The following NPIPB2 variants were observed in gnomAD, a reference collection of about 807,000 sequenced individuals.
NPIPB2 encodes the protein nuclear pore complex-interacting protein family member B2.
NPIPB2 carries 27 observed loss-of-function variants against 30.8 expected under a neutral mutation model. The ratio of observed to expected loss-of-function variants is 0.88; its 90% CI spans 0.65 to 1.21. The LOEUF (loss-of-function observed/expected upper bound fraction) is 1.21, where lower values mean the gene tolerates loss of function less well. Ranked by LOEUF, NPIPB2 falls within the 50% of genes most tolerant of loss-of-function variation. The pLI, the probability that NPIPB2 is intolerant of heterozygous loss-of-function variation, is 0.00. For synonymous variants in NPIPB2, 147 were observed against 162.0 expected, an observed-to-expected ratio of 0.91 and a Z score of 0.70; for missense variants, 440 against 446.2, an observed-to-expected ratio of 0.99 and a Z score of 0.13.
chr16:11,933,670 G>A, exon 4 of NPIPB2: 1 of 1,596,968 alleles, frequency 6.3e-7, no homozygotes, highest in Non-Finnish European at 8.5e-7. Context: ...TCCTGGAAAG[G>A]AAGAAACTCT....
intron 1 of NPIPB2, among the ~76,000 whole-genome samples, chr16:11,940,216 G>A (rs1223733780): frequency 8.8e-6 from 1 of 113,526 alleles, no homozygotes; most frequent in African/African-American, 2.8e-5. Context: ...TGGGAGTGGT[G>A]GCACATGTCT....
At chr16:11,968,449 C>G (rs2055213599) in intron 1 of NPIPB2, 2 of 152,376 alleles carry the variant, frequency 1.3e-5, no homozygotes, top group Admixed American at 6.5e-5. Flanking sequence ...TGCACTCCAG[C>G]CTGGGCAAGA....
At chr16:11,976,082 A>T (rs1381312268) in intron 1 of NPIPB2, among the ~76,000 whole-genome samples, 1 of 150,170 alleles carries the variant, frequency 6.7e-6, no homozygotes, top group African/African-American at 2.5e-5. Flanking sequence ...AAAAGCCCAA[A>T]CTCCTTCCTC....
Position 11,965,357 on chromosome 16 carries a change from T to C in NPIPB2, c.-584+11211A>G, listed in dbSNP as rs138231933. 62 of 1,614,248 alleles carry C rather than the reference T, an allele frequency of 3.8e-5. No homozygotes were observed. The African/African-American group carries it at 6.7e-4, about 17-fold the overall frequency. On this transcript the variant is annotated intron_variant, in intron 1 of 5. Transcript: ENST00000538896. The stretch of plus-strand genomic sequence containing the variant: ...AGATGGCTGGGCAGTGCTCCCAAAA[T>C]GAATATTTTGACAGTTTGTTGCATG...
chr16:11,948,032 C>T (rs2055029160), intron 1 of NPIPB2, among the ~76,000 whole-genome samples: 1 of 149,716 alleles, frequency 6.7e-6, no homozygotes, highest in Admixed American at 6.8e-5. Flanking sequence ...CCCCTGCATT[C>T]TCCAGCCCGT....
At chr16:11,968,652 G>A (rs1214831942) in intron 1 of NPIPB2, 1 of 151,864 alleles carries the variant, frequency 6.6e-6, no homozygotes, top group Admixed American at 6.6e-5. Flanking sequence ...GCTTCTTAAG[G>A]TCCACAATGG....
chr16:11,966,059 C>A, intron 1 of NPIPB2: 1 of 767,302 alleles, frequency 1.3e-6, no homozygotes. Flanking sequence ...TGCAGTGAGC[C>A]GAGATCGCGC....
rs36103994 is a variant in NPIPB2, at chr16:11,953,712, A to AT, written c.-583-11599dup. On this transcript the variant is annotated intron_variant, in intron 1 of 5. Coordinates refer to the NPIPB2 transcript ENST00000538896. ...TCAGATCATCCTTTTATTTACTTTA[A>AT]TTTTTTTTTTTTTTTTTTTTTGAGA... Among the ~76,000 whole-genome samples, 204 of 75,510 alleles carry AT rather than the reference A, an allele frequency of 2.7e-3. 3 individuals are homozygous for AT. The highest frequency in any genetic ancestry group is 5.5e-3 in the African/African-American group (120 of 21,904). The allele number at this position is 75,510 out of a possible 152,430, so 49.5% of individuals were successfully genotyped here. A position where few individuals can be genotyped will look rare whatever the true frequency, so the allele number is the denominator to read the frequency against.
chr16:11,960,183 G>C (rs1468494126), intron 1 of NPIPB2, among the ~76,000 whole-genome samples: 5 of 152,186 alleles, frequency 3.3e-5, no homozygotes, highest in Non-Finnish European at 7.3e-5. Context: ...GTGACGAACA[G>C]TTCTGTTGCT....
intron 1 of NPIPB2, among the ~76,000 whole-genome samples, chr16:11,949,214 G>T (rs2055041924): frequency 6.6e-6 from 1 of 152,218 alleles, no homozygotes; most frequent in Non-Finnish European, 1.5e-5. Context: ...GTCAGCCACA[G>T]TAGTAATGAC....
At chr16:11,936,342 C>T (rs558330186) in intron 2 of NPIPB2, among the ~76,000 whole-genome samples, 108 of 151,770 alleles carry the variant, frequency 7.1e-4, no homozygotes, top group African/African-American at 2.4e-3. Flanking sequence ...AAGCTTCCTC[C>T]AATTTATACC....
At chr16:11,953,321 T>G (rs980024855) in intron 1 of NPIPB2, among the ~76,000 whole-genome samples, 3 of 150,812 alleles carry the variant, frequency 2.0e-5, no homozygotes, top group Non-Finnish European at 4.4e-5. Context: ...AATTTTTGGG[T>G]TTTTTGTTTG....
At chr16:11,935,899 T>G (rs2054859328) in intron 2 of NPIPB2, among the ~76,000 whole-genome samples, 1 of 70,020 alleles carries the variant, frequency 1.4e-5, no homozygotes, top group South Asian at 5.7e-4. Flanking sequence ...GCTTAGGAGG[T>G]AATGGTATAG....
At chr16:11,960,680 G>T (rs1378613999) in intron 1 of NPIPB2, among the ~76,000 whole-genome samples, 1 of 151,200 alleles carries the variant, frequency 6.6e-6, no homozygotes, top group African/African-American at 2.4e-5. Context: ...CCTATTGGCT[G>T]CCTCCTCTTC....
chr16:11,942,364 A>G (rs2054952763), upstream of NPIPB2, among the ~76,000 whole-genome samples: 1 of 149,688 alleles, frequency 6.7e-6, no homozygotes, highest in Admixed American at 6.8e-5. Flanking sequence ...AAAATGAAAC[A>G]AGATTGCCTT....
chr16:11,955,041 TC>T (rs1241067088), intron 1 of NPIPB2, among the ~76,000 whole-genome samples: 1 of 152,132 alleles, frequency 6.6e-6, no homozygotes, highest in African/African-American at 2.4e-5. Context: ...CATCTGCCTC[TC>T]CTGTATTATT....
chr16:11,975,123 TCACACTCAATC>T (rs1247454081), intron 1 of NPIPB2, among the ~76,000 whole-genome samples: 3 of 132,172 alleles, frequency 2.3e-5, no homozygotes, highest in African/African-American at 8.4e-5. Flanking sequence ...ACACTTGTGT[TCACACTCAATC>T]CATCACCTTT....
intron 1 of NPIPB2, chr16:11,941,098 T>C: frequency 7.2e-7 from 1 of 1,385,686 alleles, no homozygotes; most frequent in Admixed American, 2.2e-5. Context: ...AGGCCTGAGC[T>C]GTGTAATTTC....
chr16:11,942,078 A>G (rs1220980853), upstream of NPIPB2: 54 of 1,504,498 alleles, frequency 3.6e-5, no homozygotes, highest in Middle Eastern at 2.3e-4. Context: ...ATAGTAAACC[A>G]TCTCCATCAC....
Sources: allele counts gnomAD v4.1 joint callset (sites outside exome capture counted in the v4.1 genomes callset), GRCh38; gene constraint gnomAD v4.1.1; transcripts MANE v1.5; gene names NCBI Gene and HGNC (gene_info 2026-07-23, HGNC 2026-07-21).